The following MEIS2 variants were observed in gnomAD, a reference collection of about 807,000 sequenced individuals.
MEIS2 encodes Meis homeobox 2.
MEIS2 carries 9 observed loss-of-function variants against 58.6 expected under a neutral mutation model. The ratio of observed to expected loss-of-function variants is 0.15; its 90% confidence interval spans 0.09 to 0.27. The LOEUF (loss-of-function observed/expected upper bound fraction) is 0.27. MEIS2 is among the 10% of genes least tolerant of loss of function. MEIS2 has a pLI of 1.00. For missense variants in MEIS2, 427 were observed against 635.0 expected (o/e 0.67, Z 3.52); for synonymous variants, 221 against 228.4 (o/e 0.97, Z 0.29).
intron 8 of MEIS2, among the ~76,000 whole-genome samples, chr15:36,985,304 T>C (rs1022757064): frequency 2.0e-5 from 3 of 152,204 alleles, no homozygotes; most frequent in Non-Finnish European, 4.4e-5. Context: ...AGTTCTGTTC[T>C]TGACTGTTCT....
intron 7 of MEIS2, among the ~76,000 whole-genome samples, chr15:37,062,800 A>G (rs1393331437): frequency 6.6e-6 from 1 of 152,168 alleles, no homozygotes; most frequent in East Asian, 1.9e-4. Context: ...GTATTTTTAA[A>G]AATTGGAAAC....
intron 8 of MEIS2, among the ~76,000 whole-genome samples, chr15:37,011,769 A>C (rs950344566): frequency 5.9e-5 from 9 of 151,656 alleles, no homozygotes; most frequent in African/African-American, 2.2e-4. Context: ...ACAGGCGTGT[A>C]CCACCACACC....
intron 9 of MEIS2, among the ~76,000 whole-genome samples, chr15:36,916,187 G>T (rs2057270574): frequency 6.6e-6 from 1 of 151,798 alleles, no homozygotes; most frequent in South Asian, 2.1e-4. Flanking sequence ...TCGCACTTCG[G>T]AAGGCAAAGG....
At chr15:37,071,906 C>T (rs1464327527) in intron 7 of MEIS2, among the ~76,000 whole-genome samples, 3 of 152,098 alleles carry the variant, frequency 2.0e-5, no homozygotes, top group African/African-American at 4.8e-5. Context: ...AATATTCTTC[C>T]TCCTCTTCTC....
chr15:37,043,680 CTTTT>C (rs35502089), intron 7 of MEIS2, among the ~76,000 whole-genome samples: 1 of 112,932 alleles, frequency 8.9e-6, no homozygotes. Flanking sequence ...CCGTCCCCTC[CTTTT>C]TTTTTTTTTT....
chr15:37,082,198 G>A (rs545551991), intron 7 of MEIS2, among the ~76,000 whole-genome samples: 4 of 152,278 alleles, frequency 2.6e-5, no homozygotes, highest in Admixed American at 1.3e-4. Flanking sequence ...TGCTTGAAGC[G>A]TTAACGTAAT....
At chr15:36,960,952 C>CA (rs2059158560) in intron 8 of MEIS2, among the ~76,000 whole-genome samples, 1 of 152,046 alleles carries the variant, frequency 6.6e-6, no homozygotes, top group African/African-American at 2.4e-5. Flanking sequence ...CCCAGGCCAT[C>CA]AAAAAAGGTC....
intron 8 of MEIS2, among the ~76,000 whole-genome samples, chr15:37,002,475 C>A (rs2060766852): frequency 6.6e-6 from 1 of 152,066 alleles, no homozygotes; most frequent in Non-Finnish European, 1.5e-5. Flanking sequence ...GTTTAAATTT[C>A]TTGAGGGCAG....
At chr15:36,963,758 C>G (rs1353131694) in intron 8 of MEIS2, among the ~76,000 whole-genome samples, 1 of 152,128 alleles carries the variant, frequency 6.6e-6, no homozygotes, top group African/African-American at 2.4e-5. Context: ...TTTAACAAGT[C>G]AGGTGACTGG....
chr15:36,972,477 G>A (rs1444075329), intron 8 of MEIS2, among the ~76,000 whole-genome samples: 1 of 152,060 alleles, frequency 6.6e-6, no homozygotes, highest in East Asian at 1.9e-4. Context: ...ATCTGGTCTC[G>A]AACTCCTGAC....
chr15:36,953,404 C>A (rs1157027971), intron 8 of MEIS2, among the ~76,000 whole-genome samples: 1 of 152,154 alleles, frequency 6.6e-6, no homozygotes, highest in Non-Finnish European at 1.5e-5. Context: ...CACTTGAAAA[C>A]TGGAAGTAGA....
Position 36,896,745 on chromosome 15 carries a change from T to C in MEIS2, c.978-59A>G, listed in dbSNP as rs1017608470. ...TCCGTTTCTGTACTCTGCGAACACC[T>C]TTGCATGAATGCTGAGGAGCACAAA... On this transcript the variant is annotated intron_variant, in intron 9 of 11. Transcript: ENST00000561208. 14 of 1,333,712 alleles carry C rather than the reference T, an allele frequency of 1.0e-5. No homozygotes were observed. The African/African-American group carries it at 1.9e-4, about 18-fold the overall frequency. The allele number at this position is 1,333,712 out of a possible 1,614,324, so 82.6% of individuals were successfully genotyped here. A position where few individuals can be genotyped will look rare whatever the true frequency, so the allele number is the denominator to read the frequency against.
chr15:36,926,948 C>T (rs2057771916), intron 9 of MEIS2, among the ~76,000 whole-genome samples: 1 of 152,190 alleles, frequency 6.6e-6, no homozygotes, highest in Non-Finnish European at 1.5e-5. Flanking sequence ...ATCTCAAGAG[C>T]TCCAAAAAGC....
At chr15:36,906,753 T>C (rs965067657) in intron 9 of MEIS2, among the ~76,000 whole-genome samples, 3 of 152,016 alleles carry the variant, frequency 2.0e-5, no homozygotes, top group African/African-American at 7.3e-5. Flanking sequence ...ACATGAATAT[T>C]CCAGAGCTGC....
At chr15:36,956,922 G>T (rs1220147791) in intron 8 of MEIS2, among the ~76,000 whole-genome samples, 1 of 148,106 alleles carries the variant, frequency 6.8e-6, no homozygotes, top group African/African-American at 2.5e-5. Context: ...GAAGCATGAG[G>T]AGGAAAAGGA....
At position 36,950,187 on chromosome 15, in the gene MEIS2, A is replaced by G; in HGVS notation, c.977+137T>C. On this transcript the variant is annotated intron_variant, in intron 9 of 11. Transcript: ENST00000561208. ...TTTCCTCTCCCTAATCACCCCTTTC[A>G]CACCTCGAGGTAGAAACACAGAAGT... 1.3e-5 allele frequency: 9 copies of G among 707,106 alleles called. No individual in the cohort carries two copies. In the South Asian group the frequency reaches 1.9e-4, roughly 15 times the overall value. The allele number at this position is 707,106 out of a possible 1,614,324, so 43.8% of individuals were successfully genotyped here.
intron 9 of MEIS2, among the ~76,000 whole-genome samples, chr15:36,925,039 C>T (rs2057687671): frequency 6.6e-6 from 1 of 152,158 alleles, no homozygotes; most frequent in Non-Finnish European, 1.5e-5. Flanking sequence ...CTCGGGACGC[C>T]TTGCAGGGAT....
At chr15:37,079,573 T>C (rs1371132582) in intron 7 of MEIS2, among the ~76,000 whole-genome samples, 1 of 152,100 alleles carries the variant, frequency 6.6e-6, no homozygotes, top group African/African-American at 2.4e-5. Flanking sequence ...AACTATAACA[T>C]GTATTATAAG....
At chr15:37,078,863 TA>T (rs962644533) in intron 7 of MEIS2, among the ~76,000 whole-genome samples, 36 of 149,872 alleles carry the variant, frequency 2.4e-4, no homozygotes, top group Middle Eastern at 3.4e-3. Flanking sequence ...ATGACTCAGT[TA>T]AAAAAAAAAT....
Sources: allele counts gnomAD v4.1 joint callset (sites outside exome capture counted in the v4.1 genomes callset), GRCh38; gene constraint gnomAD v4.1.1; transcripts MANE v1.5; gene names NCBI Gene and HGNC (gene_info 2026-07-23, HGNC 2026-07-21).